PRKCA: variants seen among roughly 807,000 people sequenced by gnomAD.
The protein encoded by PRKCA is protein kinase C alpha type.
A neutral mutation model predicts 87.0 loss-of-function variants in PRKCA; 27 were observed. The ratio of observed to expected loss-of-function variants is 0.31; its 90% CI spans 0.23 to 0.43. The LOEUF is 0.43. Among genes scored for constraint, PRKCA ranks in the 20% least tolerant of loss-of-function variants. The pLI, the probability that PRKCA is intolerant of heterozygous loss-of-function variation, is 1.00. For missense variants in PRKCA, 518 were observed against 852.3 expected, an observed-to-expected ratio of 0.61 and a Z score of 4.88; for synonymous variants, 329 against 311.1, an observed-to-expected ratio of 1.06 and a Z score of -0.61.
chr17:66,690,180 T>G (rs1171314614), intron 8 of PRKCA, among the ~76,000 whole-genome samples: 10 of 152,354 alleles, frequency 6.6e-5, no homozygotes, highest in African/African-American at 2.2e-4. Context: ...TTCAAATTAC[T>G]TTGTTAAACT....
intron 2 of PRKCA, among the ~76,000 whole-genome samples, chr17:66,391,622 A>C (rs1910361884): frequency 1.3e-5 from 2 of 152,182 alleles, no homozygotes; most frequent in South Asian, 2.1e-4. Flanking sequence ...AAAACCAAAA[A>C]ACAACAGTTT....
intron 8 of PRKCA, among the ~76,000 whole-genome samples, chr17:66,719,067 C>T (rs1973549164): frequency 1.3e-5 from 2 of 152,114 alleles, no homozygotes; most frequent in South Asian, 2.1e-4. Context: ...CCAAAAAGGT[C>T]ACAAACAAGT....
intron 8 of PRKCA, among the ~76,000 whole-genome samples, chr17:66,706,326 A>G (rs890563300): frequency 2.6e-5 from 4 of 152,160 alleles, no homozygotes; most frequent in Admixed American, 6.5e-5. Flanking sequence ...TTTTGTATAT[A>G]CAGTCTATGA....
chr17:66,802,337 A>G (rs1448813781), intron 16 of PRKCA, among the ~76,000 whole-genome samples: 1 of 152,168 alleles, frequency 6.6e-6, no homozygotes, highest in East Asian at 1.9e-4. Context: ...GTTTTATTTG[A>G]TGAAAAGTAG....
intron 3 of PRKCA, among the ~76,000 whole-genome samples, chr17:66,508,818 C>G (rs1193263290): frequency 6.6e-6 from 1 of 152,162 alleles, no homozygotes; most frequent in African/African-American, 2.4e-5. Context: ...AACTGTCTTT[C>G]ATATTGCCAC....
intron 2 of PRKCA, among the ~76,000 whole-genome samples, chr17:66,346,362 G>T (rs1359256654): frequency 4.0e-5 from 6 of 151,826 alleles, no homozygotes; most frequent in Non-Finnish European, 8.8e-5. Context: ...CTCCCAAAGT[G>T]CTAAGATTAC....
chr17:66,499,833 G>C (rs1166242266), intron 3 of PRKCA, among the ~76,000 whole-genome samples: 1 of 152,086 alleles, frequency 6.6e-6, no homozygotes, highest in African/African-American at 2.4e-5. Context: ...CTGCCTGCCT[G>C]GTTCACAAAA....
At chr17:66,725,508 T>A (rs577780439) in intron 8 of PRKCA, among the ~76,000 whole-genome samples, 17 of 151,940 alleles carry the variant, frequency 1.1e-4, no homozygotes, top group African/African-American at 3.9e-4. Flanking sequence ...GGAAGACAGA[T>A]CAATAAATCC....
At chr17:66,525,237 TAGGCCATC>T (rs562493518) in intron 3 of PRKCA, among the ~76,000 whole-genome samples, 199 of 152,312 alleles carry the variant, frequency 1.3e-3, no homozygotes, top group African/African-American at 4.5e-3. Flanking sequence ...ACCATTGAGT[TAGGCCATC>T]AGGCACCTGC....
chr17:66,465,908 CT>C (rs556710710), intron 2 of PRKCA, among the ~76,000 whole-genome samples: 8 of 149,022 alleles, frequency 5.4e-5, no homozygotes, highest in African/African-American at 1.2e-4. Context: ...TAAGATTTGA[CT>C]TTTTTTTTTA....
At chr17:66,629,095 T>C (rs1049986099) in intron 3 of PRKCA, among the ~76,000 whole-genome samples, 1 of 152,132 alleles carries the variant, frequency 6.6e-6, no homozygotes, top group Non-Finnish European at 1.5e-5. Flanking sequence ...TTGGGAAATA[T>C]CTACTGGAAG....
intron 5 of PRKCA, among the ~76,000 whole-genome samples, chr17:66,658,347 G>A (rs994854230): frequency 3.9e-5 from 6 of 152,136 alleles, no homozygotes; most frequent in Non-Finnish European, 8.8e-5. Context: ...TGGGCATGGT[G>A]GCAGACACCT....
At chr17:66,520,009 G>A (rs1967103889) in intron 3 of PRKCA, among the ~76,000 whole-genome samples, 2 of 152,178 alleles carry the variant, frequency 1.3e-5, no homozygotes, top group African/African-American at 2.4e-5. Flanking sequence ...TAAGCTATTG[G>A]AAGGCCAGGA....
chr17:66,696,636 G>C (rs957317172), intron 8 of PRKCA: 2 of 152,236 alleles, frequency 1.3e-5, no homozygotes, highest in African/African-American at 2.4e-5. Flanking sequence ...CTACCAAGAG[G>C]TAAGAGCATT....
At chr17:66,441,974 G>C (rs947178497) in intron 2 of PRKCA, among the ~76,000 whole-genome samples, 4 of 152,064 alleles carry the variant, frequency 2.6e-5, no homozygotes, top group Non-Finnish European at 1.5e-5. Flanking sequence ...CTGTGCCCAG[G>C]TTCCAGACAG....
intron 14 of PRKCA, among the ~76,000 whole-genome samples, chr17:66,783,271 G>C (rs1975285808): frequency 6.6e-6 from 1 of 152,174 alleles, no homozygotes; most frequent in African/African-American, 2.4e-5. Context: ...AATTCACATT[G>C]AGTTAAACAG....
At chr17:66,756,750 C>A (rs1344557771) in intron 13 of PRKCA, among the ~76,000 whole-genome samples, 1 of 152,094 alleles carries the variant, frequency 6.6e-6, no homozygotes, top group Non-Finnish European at 1.5e-5. Flanking sequence ...CAACCTCCGC[C>A]TCCTGGGTTC....
At chr17:66,640,878 G>A (rs774235252) in intron 3 of PRKCA, 16 of 425,272 alleles carry the variant, frequency 3.8e-5, no homozygotes, top group Non-Finnish European at 5.6e-5. Flanking sequence ...AACATGATGC[G>A]GGCCAGGTGT....
rs199828612 is a variant in PRKCA, at chr17:66,441,162, CAAAAAAAAAA to C, written c.206-55022_206-55013del. Among the ~76,000 whole-genome samples the C allele has an allele frequency of 3.1e-3, 332 of 107,250 alleles. 4 individuals carry two copies. The highest frequency in any genetic ancestry group is 0.012 in the African/African-American group (292 of 25,198). 70.4% of individuals were successfully genotyped at this position (107,250 alleles called of 152,430 possible). ...GGGAGACAAAGCGAAACTCTGTCTC[CAAAAAAAAAA>C]AAAAAAAAAAAAAAAAGTAAATTAG... On this transcript the variant is annotated intron_variant, in intron 2 of 16. Transcript: ENST00000413366.
Sources: gnomAD v4.1 joint callset for allele counts (sites outside exome capture counted in the v4.1 genomes callset) on GRCh38, gnomAD v4.1.1 for gene constraint, MANE v1.5 for transcripts, NCBI Gene and HGNC (gene_info 2026-07-23, HGNC 2026-07-21) for gene names.